The following PYGL variants were observed in gnomAD, a reference collection of about 807,000 sequenced individuals.
PYGL encodes glycogen phosphorylase L.
A neutral mutation model predicts 100.1 loss-of-function variants in PYGL; 90 were observed. The ratio of observed to expected loss-of-function variants is 0.90; its 90% CI spans 0.76 to 1.07. The LOEUF (loss-of-function observed/expected upper bound fraction) is 1.07. PYGL is among the 50% of genes least tolerant of loss of function. PYGL has a pLI of 0.00. For missense variants in PYGL, 1,016 were observed against 1,057.6 expected (o/e 0.96, Z 0.55); for synonymous variants, 373 against 393.0 (o/e 0.95, Z 0.60).
intron 1 of PYGL, among the ~76,000 whole-genome samples, chr14:50,943,046 A>G (rs2050715117): frequency 6.6e-6 from 1 of 152,188 alleles, no homozygotes; most frequent in South Asian, 2.1e-4. Context: ...TTCCTTTCTT[A>G]AAAATTCCTA....
chr14:50,906,757 G>A (rs1214585060), intron 19 of PYGL, among the ~76,000 whole-genome samples: 1 of 152,218 alleles, frequency 6.6e-6, no homozygotes, highest in Non-Finnish European at 1.5e-5. Context: ...TGTACAGGAA[G>A]CAGGTAGTGA....
intron 8 of PYGL, 61 bp from the exon 9 acceptor site, chr14:50,916,795 C>T: frequency 1.3e-6 from 2 of 1,564,072 alleles, no homozygotes; most frequent in Non-Finnish European, 1.8e-6. Context: ...GCTTCTTTGT[C>T]CTAACACATC....
rs765245246 is a variant in PYGL at position 50,916,955 on chromosome 14, T to C, written c.999+7A>G. On this transcript the variant is annotated splice_region_variant and intron_variant, in intron 8 of 19. Coordinates refer to ENST00000216392, the MANE Select transcript of PYGL (RefSeq NM_002863.5). Reference sequence around the variant, plus strand: ...ACCCTAACTGCATCCACAGACTAAATACTTGCCTGATCCGGGAAGGCATCA... The same window carrying C: ...ACCCTAACTGCATCCACAGACTAAACACTTGCCTGATCCGGGAAGGCATCA... The C allele has an allele frequency of 6.2e-7, 1 of 1,614,038 alleles. No homozygotes were observed. The highest frequency in any genetic ancestry group is 8.5e-7 in the Non-Finnish European group (1 of 1,179,876).
Position 50,908,285 on chromosome 14 carries a change from T to C in PYGL, c.2365A>G (p.Ser789Gly). The change falls in exon 19 of 20, where the codon AGT becomes GGT. Residue 789 changes from serine to glycine, a missense_variant. Coordinates refer to ENST00000216392, the MANE Select transcript of PYGL (RefSeq NM_002863.5). ...AATTTACTCACCATGTACAGCTGAC[T>C]CACTTTATCTTGACACTTGACATAG... The part of the protein sequence containing the change: ...EAYVKCQDKV[S>G]QLYMNPKAWN... The C allele has an allele frequency of 6.3e-7, 1 of 1,597,410 alleles. No homozygotes were observed. The highest frequency in any genetic ancestry group is 1.7e-5 in the Admixed American group (1 of 59,994).
chr14:50,928,223 T>C (rs763850260), intron 4 of PYGL, among the ~76,000 whole-genome samples: 14 of 152,240 alleles, frequency 9.2e-5, no homozygotes, highest in Non-Finnish European at 1.6e-4. Context: ...AGAAATGCTC[T>C]TCTCTGCACC....
intron 12 of PYGL, among the ~76,000 whole-genome samples, chr14:50,913,672 C>A (rs1009558277): frequency 2.0e-5 from 3 of 152,034 alleles, no homozygotes; most frequent in African/African-American, 7.2e-5. Context: ...CTGCACCCGG[C>A]CTAAAAATTA....
chr14:50,921,186 G>T, intron 5 of PYGL, 119 bp from the exon 6 acceptor site: 3 of 776,646 alleles, frequency 3.9e-6, no homozygotes, highest in South Asian at 1.5e-5. Context: ...AACTTAAATT[G>T]TGTGAGGCCT....
chr14:50,916,846 G>T, intron 8 of PYGL, 112 bp from the exon 9 acceptor site: 2 of 1,545,586 alleles, frequency 1.3e-6, no homozygotes, highest in Admixed American at 1.7e-5. Flanking sequence ...TGAAAGACTT[G>T]ATGCACACTA....
chr14:50,915,190 TAGGCAAGA>T, intron 11 of PYGL, 138 bp downstream of exon 11: 1 of 1,009,772 alleles, frequency 9.9e-7, no homozygotes, highest in Non-Finnish European at 1.5e-6. Context: ...TTTTTTTTTT[TAGGCAAGA>T]GTTTTTTGTA....
chr14:50,944,242 G>T lies in PYGL; in HGVS notation c.162C>A (p.Phe54Leu). ...GGTCGCGCACCGTGTGCGCCAGCGC[G>T]AAGTAGTAGTCGCGGGTGGTGGCCA... The part of the protein sequence containing the change: ...RNVATTRDYY[F>L]ALAHTVRDHL... Residue 54 changes from phenylalanine to leucine, a missense_variant, in exon 1 of 20, where the codon TTC (phenylalanine) becomes TTA (leucine). Phe to Leu is a conservative substitution (Grantham distance 22). Coordinates refer to ENST00000216392, the MANE Select transcript of PYGL (RefSeq NM_002863.5). The T allele has an allele frequency of 1.2e-6, 2 of 1,613,700 alleles. No homozygotes were observed. Among genetic ancestry groups the T allele is most frequent in the Non-Finnish European group, 1.7e-6 (2 of 1,179,910 alleles).
At position 50,923,255 on chromosome 14, in the gene PYGL, T is replaced by C. The variant is rs530572429; in HGVS notation, c.660+714A>G. ...GTAAATAAAATGCTTCCAGGATTGATTGTGTAAACTGCAAACTTTTATTTT... is the reference window on the plus strand; with the variant it reads ...GTAAATAAAATGCTTCCAGGATTGACTGTGTAAACTGCAAACTTTTATTTT... On this transcript the variant is annotated intron_variant, in intron 5 of 19. Transcript: ENST00000216392. 6.6e-5 allele frequency: 10 copies of C among 152,372 alleles called. 1 individual carries two copies. The South Asian group carries it at 1.9e-3, about 28-fold the overall frequency. The allele number at this position is 152,372 out of a possible 1,614,324, so 9.4% of individuals were successfully genotyped here.
At position 50,909,861 on chromosome 14, in the gene PYGL, A is replaced by G. The variant is rs137880110; in HGVS notation, c.2177+34T>C. The stretch of plus-strand genomic sequence containing the variant: ...CACATACCTTCTAGGGGGGAGGGGC[A>G]GTCCTGCCTAGCAAAGAGAAGCTAT... On this transcript the variant is annotated intron_variant, in intron 17 of 19. Transcript: ENST00000216392. 3,819 of 1,609,870 alleles carry G rather than the reference A, an allele frequency of 2.4e-3. 93 individuals carry two copies. The East Asian group carries it at 0.048, about 20-fold the overall frequency.
intron 1 of PYGL, among the ~76,000 whole-genome samples, chr14:50,941,132 G>T (rs10143053): frequency 0.2 from 29,814 of 152,142 alleles, 3,685 homozygotes; most frequent in East Asian, 0.46. Context: ...GGCAAGATGC[G>T]TTGCTTTAGG....
chr14:50,915,461 C>A lies in PYGL; in HGVS notation c.1278G>T (p.Leu426=), dbSNP rs371801452. The change falls in exon 11 of 20, where the codon CTG becomes CTT. Residue 426 remains leucine (L), a synonymous_variant. Coordinates refer to ENST00000216392, the MANE Select transcript of PYGL (RefSeq NM_002863.5). The part of the protein sequence containing the change: ...VALFPKDVDR[L]RRMSLIEEEG... ...CCTCTTCTATCAGAGACATCCTTCT[C>A]AGACGGTCCACATCTTTAGGAAACA... The A allele has an allele frequency of 6.2e-7, 1 of 1,614,116 alleles. No homozygotes were observed. The highest frequency in any genetic ancestry group is 8.5e-7 in the Non-Finnish European group (1 of 1,180,056).
At chr14:50,918,482 A>C (rs2050473409) in intron 7 of PYGL, among the ~76,000 whole-genome samples, 1 of 152,234 alleles carries the variant, frequency 6.6e-6, no homozygotes, top group African/African-American at 2.4e-5. Flanking sequence ...ATACCATGGA[A>C]TACTACTCAG....
intron 1 of PYGL, among the ~76,000 whole-genome samples, chr14:50,941,324 G>A (rs968060770): frequency 6.9e-6 from 1 of 145,756 alleles, no homozygotes; most frequent in Non-Finnish European, 1.5e-5. Context: ...CCTGAAAAAT[G>A]TCTTGGCCAA....
intron 1 of PYGL, among the ~76,000 whole-genome samples, chr14:50,943,414 G>A (rs989246558): frequency 3.3e-5 from 5 of 152,242 alleles, no homozygotes; most frequent in African/African-American, 1.2e-4. Context: ...GGATGGAGGT[G>A]GTCCCTGACC....
rs368025070 is a variant in PYGL at position 50,923,979 on chromosome 14, A to T, written c.650T>A (p.Ile217Asn). The T allele has an allele frequency of 2.5e-6, 4 of 1,613,798 alleles. No individual in the cohort carries two copies. Among genetic ancestry groups the T allele is most frequent in the East Asian group, 2.2e-5 (1 of 44,870 alleles). The change falls in exon 5 of 20, where the codon ATT becomes AAT. Residue 217 changes from isoleucine (I) to asparagine (N), a missense_variant. Ile to Asn is a moderately radical substitution (Grantham distance 149, BLOSUM62 -3). Transcript: ENST00000216392. ...VEHTNTGTKW[I>N]DTQVVLALPY... Reference sequence around the variant, plus strand: ...GAGCACTCTGAATACTTGAGTGTCAATCCACTTGGTCCCGGTGTTGGTGTG... The same window carrying T: ...GAGCACTCTGAATACTTGAGTGTCATTCCACTTGGTCCCGGTGTTGGTGTG...
Position 50,917,613 on chromosome 14 carries a change from C to T in PYGL, c.856-508G>A, listed in dbSNP as rs539092539. Among the ~76,000 whole-genome samples, 3 of 152,354 alleles carry T rather than the reference C, an allele frequency of 2.0e-5. No individual in the cohort carries two copies. The South Asian group carries it at 6.2e-4, about 32-fold the overall frequency. On this transcript the variant is annotated intron_variant, in intron 7 of 19. Transcript: ENST00000216392. ...GCTGAGCACAACCAGCACATGACCG[C>T]CCTCCTGCTGGCAGGCAACGTATCA...
Sources: allele counts gnomAD v4.1 joint callset (sites outside exome capture counted in the v4.1 genomes callset), GRCh38; gene constraint gnomAD v4.1.1; transcripts MANE v1.5; gene names NCBI Gene and HGNC (gene_info 2026-07-23, HGNC 2026-07-21).